The following BACH2 variants were observed in gnomAD, a reference collection of about 807,000 sequenced individuals.
The protein encoded by BACH2 is BACH transcriptional regulator 2.
Under a neutral mutation model 61.8 loss-of-function variants are expected in BACH2, and 5 were observed. The observed-to-expected ratio is 0.08, with a 90% CI of 0.04 to 0.17. The LOEUF is 0.17. BACH2 is among the 10% of genes least tolerant of loss of function. The probability of loss-of-function intolerance (pLI) is 1.00; values close to 1 mark genes in which losing one functional copy is unlikely to be tolerated. For missense variants in BACH2, 824 were observed against 1,091.1 expected (o/e 0.76, Z 3.45); for synonymous variants, 446 against 440.1 (o/e 1.01, Z -0.17).
At chr6:89,937,960 CAA>C (rs760364902) in intron 8 of BACH2, among the ~76,000 whole-genome samples, 182 bp downstream of exon 8, 5 of 134,768 alleles carry the variant, frequency 3.7e-5, no homozygotes, top group African/African-American at 7.8e-5. Context: ...TGCAGACACA[CAA>C]ACACACACAC....
intron 5 of BACH2, among the ~76,000 whole-genome samples, chr6:90,013,816 T>C (rs56072239): frequency 0.56 from 84,313 of 151,684 alleles, 24,998 homozygotes; most frequent in African/African-American, 0.76. Context: ...CCTCTTTTTC[T>C]ATCTTTCTTT....
intron 1 of BACH2, among the ~76,000 whole-genome samples, chr6:90,295,764 A>C (rs1441421839): frequency 6.6e-6 from 1 of 152,002 alleles, no homozygotes; most frequent in Non-Finnish European, 1.5e-5. Flanking sequence ...CTTAGGTCTT[A>C]GCTACGCGGG....
At chr6:90,142,514 T>G (rs955570750) in intron 4 of BACH2, among the ~76,000 whole-genome samples, 9 of 152,164 alleles carry the variant, frequency 5.9e-5, no homozygotes, top group Admixed American at 2.0e-4. Flanking sequence ...CAGGATAATT[T>G]CAGGACTATT....
rs77042551 is a variant in BACH2, at chr6:90,097,548, T to C, written c.-161-8439A>G. ...CTTTGCCCTACGACTTACATATTCA[T>C]ACCACGTGTGGGAAAGGGTGTGGCA... On this transcript the variant is annotated intron_variant, in intron 4 of 8. Coordinates refer to ENST00000257749, the MANE Select transcript of BACH2 (RefSeq NM_021813.4). 5.1e-3 allele frequency among the ~76,000 whole-genome samples: 774 copies of C among 152,308 alleles called. 35 individuals carry two copies. In the East Asian group the frequency reaches 0.12, roughly 23 times the overall value.
In BACH2 at chr6:90,100,031, T is replaced by C. The variant is rs532241753; in HGVS notation, c.-161-10922A>G. On this transcript the variant is annotated intron_variant, in intron 4 of 8. Transcript: ENST00000257749. ...TTTGTATAAATGGAATCATCTATTA[T>C]GAGGCCTTTTGTGTCTAGCTTCTTT... Among the ~76,000 whole-genome samples the C allele has an allele frequency of 5.1e-4, 78 of 152,296 alleles. 1 individual carries two copies. In the Middle Eastern group the frequency reaches 0.01, roughly 20 times the overall value.
At chr6:90,185,791 C>T (rs1343345023) in intron 4 of BACH2, among the ~76,000 whole-genome samples, 1 of 152,314 alleles carries the variant, frequency 6.6e-6, no homozygotes, top group East Asian at 1.9e-4. Flanking sequence ...TTCTGTCTTA[C>T]ACTGTAAACT....
intron 4 of BACH2, among the ~76,000 whole-genome samples, chr6:90,202,729 T>TA (rs757756516): frequency 6.6e-6 from 1 of 152,162 alleles, no homozygotes; most frequent in South Asian, 2.1e-4. Flanking sequence ...CATGCCTTCA[T>TA]AAAAAACAAT....
At chr6:89,978,494 A>G (rs1388259678) in intron 6 of BACH2, among the ~76,000 whole-genome samples, 3 of 152,176 alleles carry the variant, frequency 2.0e-5, no homozygotes, top group African/African-American at 7.2e-5. Flanking sequence ...TCATAATTAC[A>G]GTGGTGAAAC....
chr6:90,217,794 A>T (rs538400306), intron 3 of BACH2, among the ~76,000 whole-genome samples: 6 of 152,312 alleles, frequency 3.9e-5, no homozygotes, highest in African/African-American at 1.4e-4. Context: ...AGTAAACAAA[A>T]TTGATTCACT....
At chr6:89,942,469 T>C (rs1374464129) in intron 7 of BACH2, among the ~76,000 whole-genome samples, 3 of 152,156 alleles carry the variant, frequency 2.0e-5, no homozygotes, top group African/African-American at 4.8e-5. Flanking sequence ...ACAGGCCCAG[T>C]TGGGCTTAAC....
At chr6:90,172,095 C>CAA in intron 4 of BACH2, among the ~76,000 whole-genome samples, 1 of 152,176 alleles carries the variant, frequency 6.6e-6, no homozygotes, top group East Asian at 1.9e-4. Context: ...ATCACGAGGT[C>CAA]AGTAGTTCGA....
At chr6:90,197,711 A>T (rs778376555) in intron 4 of BACH2, among the ~76,000 whole-genome samples, 1 of 152,240 alleles carries the variant, frequency 6.6e-6, no homozygotes, top group Non-Finnish European at 1.5e-5. Flanking sequence ...GATGTAGGAC[A>T]AGAACCTACC....
intron 1 of BACH2, among the ~76,000 whole-genome samples, chr6:90,288,002 AC>A (rs1772072153): frequency 6.6e-6 from 1 of 152,122 alleles, no homozygotes; most frequent in African/African-American, 2.4e-5. Flanking sequence ...CTGGCTGCAA[AC>A]CGTGCCTAGC....
intron 7 of BACH2, among the ~76,000 whole-genome samples, chr6:89,942,160 C>T (rs751491120): frequency 2.9e-5 from 4 of 135,626 alleles, no homozygotes; most frequent in Non-Finnish European, 4.7e-5. Flanking sequence ...CACTGACATG[C>T]GGGGGTCTCT....
At chr6:90,279,676 C>T (rs557468883) in intron 1 of BACH2, among the ~76,000 whole-genome samples, 3 of 152,166 alleles carry the variant, frequency 2.0e-5, no homozygotes, top group African/African-American at 2.4e-5. Flanking sequence ...TGGTAACACA[C>T]GCTTAAATCA....
intron 3 of BACH2, among the ~76,000 whole-genome samples, chr6:90,235,370 A>C (rs1770226073): frequency 6.6e-6 from 1 of 152,256 alleles, no homozygotes; most frequent in South Asian, 2.1e-4. Context: ...TAATTACATC[A>C]CAGGGTTGTG....
chr6:90,014,411 G>A (rs757744828), intron 5 of BACH2, among the ~76,000 whole-genome samples: 2 of 106,296 alleles, frequency 1.9e-5, no homozygotes, highest in Non-Finnish European at 3.7e-5. Context: ...CAAATTTATT[G>A]GCATAAAATT....
intron 4 of BACH2, among the ~76,000 whole-genome samples, chr6:90,165,394 A>G (rs1167028136): frequency 1.3e-5 from 2 of 152,150 alleles, no homozygotes; most frequent in Non-Finnish European, 1.5e-5. Flanking sequence ...ACCACTGCTC[A>G]ATGAAATAAA....
chr6:90,108,102 C>T (rs1318543871), intron 4 of BACH2, among the ~76,000 whole-genome samples: 1 of 152,150 alleles, frequency 6.6e-6, no homozygotes, highest in Non-Finnish European at 1.5e-5. Flanking sequence ...GCCCATGGGG[C>T]GTGAGGACTG....
Sources: gnomAD v4.1 joint callset for allele counts (sites outside exome capture counted in the v4.1 genomes callset) on GRCh38, gnomAD v4.1.1 for gene constraint, MANE v1.5 for transcripts, NCBI Gene and HGNC (gene_info 2026-07-23, HGNC 2026-07-21) for gene names.